CTBP2: variants seen among roughly 807,000 people sequenced by gnomAD.
CTBP2 encodes C-terminal-binding protein 2.
CTBP2 carries 30 observed loss-of-function variants against 80.3 expected under a neutral mutation model. The ratio of observed to expected loss-of-function variants is 0.37; its 90% CI spans 0.28 to 0.51. The LOEUF is 0.51. CTBP2 is among the 20% of genes least tolerant of loss of function. The pLI, the probability that CTBP2 is intolerant of heterozygous loss-of-function variation, is 0.93. For missense variants in CTBP2, 1,212 were observed against 1,375.3 expected, an observed-to-expected ratio of 0.88 and a Z score of 1.88; for synonymous variants, 594 against 587.4, an observed-to-expected ratio of 1.01 and a Z score of -0.16.
intron 1 of CTBP2, 76 bp from the exon 4 acceptor site, chr10:125,003,568 T>A: frequency 8.1e-7 from 1 of 1,230,550 alleles, no homozygotes; most frequent in Non-Finnish European, 1.1e-6. Flanking sequence ...AGCTCCCCAC[T>A]CATCACTCAG....
chr10:125,141,605 CAGCACACAGTAAGCACATGGCA>C (rs1392068264), intron 1 of CTBP2, among the ~76,000 whole-genome samples: 1 of 152,090 alleles, frequency 6.6e-6, no homozygotes, highest in Non-Finnish European at 1.5e-5. Context: ...AGCAGGGAGA[CAGCACACAGTAAGCACATGGCA>C]AGCACACAGT....
intron 1 of CTBP2, among the ~76,000 whole-genome samples, chr10:125,130,996 G>A (rs80025700): frequency 2.6e-5 from 4 of 152,172 alleles, no homozygotes; most frequent in Non-Finnish European, 5.9e-5. Context: ...GCCAAGACAC[G>A]ATCAGCTCTG....
At chr10:125,155,403 C>CG (rs2133480356) in intron 1 of CTBP2, among the ~76,000 whole-genome samples, 1 of 147,378 alleles carries the variant, frequency 6.8e-6, no homozygotes, top group East Asian at 2.0e-4. Context: ...TGAATCCCCC[C>CG]TTTTTTTTTT....
chr10:125,156,922 T>C (rs1861020843), intron 1 of CTBP2, among the ~76,000 whole-genome samples: 1 of 152,194 alleles, frequency 6.6e-6, no homozygotes, highest in African/African-American at 2.4e-5. Context: ...AGTTTTACCG[T>C]TTCATCTTGT....
intron 1 of CTBP2, among the ~76,000 whole-genome samples, chr10:125,140,319 T>C (rs1857588235): frequency 6.7e-6 from 1 of 150,156 alleles, no homozygotes; most frequent in South Asian, 2.1e-4. Flanking sequence ...TGCACCGAGA[T>C]CACGGGAATG....
Position 125,051,028 on chromosome 10 carries a change from T to C in CTBP2, c.-101-11873A>G, listed in dbSNP as rs56777150. On this transcript the variant is annotated intron_variant, in intron 2 of 10. Coordinates refer to the CTBP2 transcript ENST00000337195. Reference sequence around the variant, plus strand: ...CATCGTGAGCTACCATCAGGGATCCTAATTTTACATGAAATCCCACTGGAG... The same window carrying C: ...CATCGTGAGCTACCATCAGGGATCCCAATTTTACATGAAATCCCACTGGAG... 9.8e-4 allele frequency among the ~76,000 whole-genome samples: 150 copies of C among 152,358 alleles called. 1 individual carries two copies. Among genetic ancestry groups the C allele is most frequent in the African/African-American group, 3.4e-3 (142 of 41,584 alleles).
chr10:124,995,266 C>G (rs1953317115), intron 4 of CTBP2, among the ~76,000 whole-genome samples: 1 of 152,210 alleles, frequency 6.6e-6, no homozygotes, highest in African/African-American at 2.4e-5. Flanking sequence ...AGACCTGGAC[C>G]TGTCCCACTG....
chr10:125,024,942 A>ACAAAATG (rs1209224773), intron 1 of CTBP2, among the ~76,000 whole-genome samples: 1 of 152,204 alleles, frequency 6.6e-6, no homozygotes, highest in African/African-American at 2.4e-5. Flanking sequence ...CCACTTGGAA[A>ACAAAATG]CAAAATGCAA....
At chr10:125,132,247 G>C (rs1381088139) in intron 1 of CTBP2, among the ~76,000 whole-genome samples, 1 of 151,562 alleles carries the variant, frequency 6.6e-6, no homozygotes, top group East Asian at 1.9e-4. Context: ...TCAAGTCTAA[G>C]ACATCATCAA....
chr10:125,049,831 G>A (rs1962279890), intron 2 of CTBP2, among the ~76,000 whole-genome samples: 1 of 152,184 alleles, frequency 6.6e-6, no homozygotes, highest in African/African-American at 2.4e-5. Context: ...TTCCATGCCA[G>A]CCAAGTTATA....
At chr10:125,093,184 CCT>C (rs1301763294) in intron 2 of CTBP2, among the ~76,000 whole-genome samples, 1 of 152,210 alleles carries the variant, frequency 6.6e-6, no homozygotes, top group Non-Finnish European at 1.5e-5. Flanking sequence ...GCATCTTTAA[CCT>C]CTAATGCTGG....
intron 2 of CTBP2, among the ~76,000 whole-genome samples, chr10:125,060,913 A>G (rs1964851263): frequency 6.6e-6 from 1 of 152,196 alleles, no homozygotes; most frequent in African/African-American, 2.4e-5. Flanking sequence ...AGGAAAGAGC[A>G]ACATGCAGGG....
At chr10:125,095,767 C>CTTTGCAGACAGCACAGTT (rs1849452702) in intron 2 of CTBP2, among the ~76,000 whole-genome samples, 1 of 152,230 alleles carries the variant, frequency 6.6e-6, no homozygotes, top group Non-Finnish European at 1.5e-5. Flanking sequence ...AGACGCTGAG[C>CTTTGCAGACAGCACAGTT]TTTGCAGACA....
At chr10:125,145,990 C>G (rs1052287100) in intron 1 of CTBP2, among the ~76,000 whole-genome samples, 6 of 151,600 alleles carry the variant, frequency 4.0e-5, no homozygotes, top group African/African-American at 1.2e-4. Context: ...ATGGGATGAT[C>G]TCGACTCACT....
chr10:125,070,569 G>GATAATA (rs569686843), intron 2 of CTBP2, among the ~76,000 whole-genome samples: 1 of 149,024 alleles, frequency 6.7e-6, no homozygotes, highest in East Asian at 1.9e-4. Flanking sequence ...AAATGATAAT[G>GATAATA]ATAATAATAA....
chr10:125,118,698 A>C (rs532098922), intron 1 of CTBP2, among the ~76,000 whole-genome samples: 13 of 109,512 alleles, frequency 1.2e-4, no homozygotes, highest in Non-Finnish European at 1.9e-4. Context: ...CTTGAAAGAG[A>C]CCAGTGCAGT....
intron 2 of CTBP2, among the ~76,000 whole-genome samples, chr10:125,077,083 A>G (rs1262786225): frequency 6.6e-6 from 1 of 152,066 alleles, no homozygotes; most frequent in African/African-American, 2.4e-5. Flanking sequence ...GAAAAAATTC[A>G]CCACTCTTGC....
chr10:125,009,973 G>A (rs1215509057), intron 1 of CTBP2, among the ~76,000 whole-genome samples: 3 of 152,154 alleles, frequency 2.0e-5, no homozygotes, highest in African/African-American at 4.8e-5. Context: ...CAAATGTTCT[G>A]CAGTTGGCTG....
intron 4 of CTBP2, chr10:124,997,639 G>A: frequency 2.5e-6 from 1 of 402,882 alleles, no homozygotes; most frequent in Non-Finnish European, 4.6e-6. Flanking sequence ...CCTCCATACA[G>A]CCCCTGCCCT....
Sources: gnomAD v4.1 joint callset for allele counts (sites outside exome capture counted in the v4.1 genomes callset) on GRCh38, gnomAD v4.1.1 for gene constraint, MANE v1.5 for transcripts, NCBI Gene and HGNC (gene_info 2026-07-23, HGNC 2026-07-21) for gene names.